NMNAT2: variants seen among roughly 807,000 people sequenced by gnomAD.
The protein encoded by NMNAT2 is nicotinamide/nicotinic acid mononucleotide adenylyltransferase 2.
In NMNAT2, 11 loss-of-function variants were observed where a neutral mutation model predicts 41.6. The observed-to-expected ratio is 0.26, with a 90% CI of 0.17 to 0.44. NMNAT2 has a LOEUF of 0.44. Among genes scored for constraint, NMNAT2 ranks in the 20% least tolerant of loss-of-function variants. NMNAT2 has a pLI of 1.00. For missense variants in NMNAT2, 288 were observed against 407.7 expected, an observed-to-expected ratio of 0.71 and a Z score of 2.53; for synonymous variants, 148 against 151.2, an observed-to-expected ratio of 0.98 and a Z score of 0.16.
intron 8 of NMNAT2, among the ~76,000 whole-genome samples, chr1:183,275,799 A>G (rs958335784): frequency 2.6e-5 from 4 of 151,960 alleles, no homozygotes; most frequent in African/African-American, 9.7e-5. Context: ...CAGCCTCCCA[A>G]GTAGCTGGGA....
At chr1:183,331,646 G>C (rs1350607856) in intron 1 of NMNAT2, among the ~76,000 whole-genome samples, 1 of 152,220 alleles carries the variant, frequency 6.6e-6, no homozygotes, top group East Asian at 1.9e-4. Flanking sequence ...CCTCAGGCGT[G>C]AGCCTTCCAG....
intron 1 of NMNAT2, among the ~76,000 whole-genome samples, chr1:183,346,866 T>G (rs1321879651): frequency 6.6e-6 from 1 of 152,156 alleles, no homozygotes. Flanking sequence ...TGAACAGCCC[T>G]ACACCCCATT....
intron 1 of NMNAT2, among the ~76,000 whole-genome samples, chr1:183,406,812 C>CTTTTTT (rs58394186): frequency 2.3e-5 from 2 of 88,666 alleles, no homozygotes; most frequent in African/African-American, 4.3e-5. Context: ...TCTGCCATTC[C>CTTTTTT]TTTTTTTTTT....
intron 1 of NMNAT2, chr1:183,305,017 T>G: frequency 2.3e-6 from 1 of 440,704 alleles, no homozygotes; most frequent in African/African-American, 2.1e-5. Context: ...TCAAATCCTT[T>G]CCACTGGAAA....
chr1:183,304,853 C>A (rs1661960296), intron 1 of NMNAT2: 2 of 1,569,520 alleles, frequency 1.3e-6, no homozygotes, highest in South Asian at 2.3e-5. Context: ...GCTCCACTAC[C>A]TCCAGCTTGG....
chr1:183,254,052 A>C (rs2480769), intron 10 of NMNAT2, among the ~76,000 whole-genome samples: 5,562 of 152,198 alleles, frequency 0.037, 352 homozygotes, highest in African/African-American at 0.13. Context: ...GAACTTGGAA[A>C]TGCAGATACC....
intron 1 of NMNAT2, among the ~76,000 whole-genome samples, chr1:183,336,643 A>G (rs1010354626): frequency 1.3e-5 from 2 of 152,222 alleles, no homozygotes; most frequent in Non-Finnish European, 2.9e-5. Flanking sequence ...ACTTTGGAAA[A>G]CCATGCAGTA....
At chr1:183,363,577 C>CAT (rs1553218830) in intron 1 of NMNAT2, among the ~76,000 whole-genome samples, 1 of 103,070 alleles carries the variant, frequency 9.7e-6, no homozygotes, top group Non-Finnish European at 2.1e-5. Context: ...CACACACACA[C>CAT]ATACACACAC....
intron 1 of NMNAT2, among the ~76,000 whole-genome samples, chr1:183,400,016 C>T (rs1347109846): frequency 1.3e-5 from 2 of 152,176 alleles, no homozygotes; most frequent in East Asian, 3.9e-4. Context: ...AAAGGGATGC[C>T]CACTCTCACC....
intron 10 of NMNAT2, among the ~76,000 whole-genome samples, chr1:183,254,233 C>A (rs185632641): frequency 6.6e-6 from 1 of 152,278 alleles, no homozygotes; most frequent in Admixed American, 6.5e-5. Flanking sequence ...TTTCTCCACA[C>A]CCTCATCGAC....
At chr1:183,259,481 T>G (rs1660602451) in intron 10 of NMNAT2, among the ~76,000 whole-genome samples, 1 of 152,240 alleles carries the variant, frequency 6.6e-6, no homozygotes, top group African/African-American at 2.4e-5. Context: ...GGGCCACCAC[T>G]GCCGGTGGTC....
intron 8 of NMNAT2, among the ~76,000 whole-genome samples, chr1:183,276,881 C>G (rs1661135419): frequency 1.3e-5 from 2 of 152,214 alleles, no homozygotes; most frequent in African/African-American, 2.4e-5. Context: ...AATTTCACCT[C>G]TAGGAAATGG....
At chr1:183,338,306 A>G (rs1662722449) in intron 1 of NMNAT2, among the ~76,000 whole-genome samples, 1 of 152,214 alleles carries the variant, frequency 6.6e-6, no homozygotes, top group Admixed American at 6.5e-5. Flanking sequence ...ATTCTACTTG[A>G]AAGCTAGAAA....
intron 7 of NMNAT2, among the ~76,000 whole-genome samples, chr1:183,282,103 T>A (rs1454587672): frequency 3.9e-5 from 6 of 152,242 alleles, no homozygotes; most frequent in Non-Finnish European, 8.8e-5. Context: ...ATCTGACAGC[T>A]GTGGCTGCTG....
chr1:183,355,553 G>T (rs1663165796), intron 1 of NMNAT2, among the ~76,000 whole-genome samples: 2 of 152,226 alleles, frequency 1.3e-5, no homozygotes, highest in African/African-American at 4.8e-5. Flanking sequence ...TCCTTTACTT[G>T]AGTGAAAACT....
intron 7 of NMNAT2, among the ~76,000 whole-genome samples, chr1:183,280,560 G>T (rs1482334441): frequency 6.6e-6 from 1 of 150,740 alleles, no homozygotes; most frequent in African/African-American, 2.4e-5. Context: ...GCTAATTTTT[G>T]TATTTTTAGT....
At chr1:183,292,696 G>A in intron 3 of NMNAT2, 94 bp downstream of exon 3, 1 of 1,174,274 alleles carries the variant, frequency 8.5e-7, no homozygotes, top group East Asian at 2.5e-5. Flanking sequence ...ATCCTTTCAG[G>A]ATCCAAATTA....
chr1:183,366,241 T>C (rs1663407362), intron 1 of NMNAT2, among the ~76,000 whole-genome samples: 1 of 152,244 alleles, frequency 6.6e-6, no homozygotes, highest in Admixed American at 6.5e-5. Flanking sequence ...AACTTTGGGC[T>C]GTTACAAGCT....
chr1:183,325,723 T>G (rs975039760), intron 1 of NMNAT2, among the ~76,000 whole-genome samples: 4 of 152,214 alleles, frequency 2.6e-5, no homozygotes, highest in African/African-American at 9.6e-5. Flanking sequence ...CTTTCAGTAT[T>G]GAAAGAGCCA....
Sources: allele counts gnomAD v4.1 joint callset (sites outside exome capture counted in the v4.1 genomes callset), GRCh38; gene constraint gnomAD v4.1.1; transcripts MANE v1.5; gene names NCBI Gene and HGNC (gene_info 2026-07-23, HGNC 2026-07-21).